The following RBBP6 variants were observed in gnomAD, a reference collection of about 807,000 sequenced individuals.
The protein encoded by RBBP6 is E3 ubiquitin-protein ligase RBBP6.
Under a neutral mutation model 167.7 loss-of-function variants are expected in RBBP6, and 25 were observed. The ratio of observed to expected loss-of-function variants is 0.15; its 90% confidence interval spans 0.11 to 0.21. RBBP6 has a LOEUF of 0.21. RBBP6 is among the 10% of genes least tolerant of loss of function. The probability of loss-of-function intolerance (pLI) is 1.00; values close to 1 mark genes in which losing one functional copy is unlikely to be tolerated. For synonymous variants in RBBP6, 789 were observed against 735.8 expected, an observed-to-expected ratio of 1.07 and a Z score of -1.17; for missense variants, 1,868 against 2,134.2, an observed-to-expected ratio of 0.88 and a Z score of 2.46.
chr16:24,571,434 T>A lies in RBBP6; in HGVS notation c.4368T>A (p.His1456Gln). 6.2e-7 allele frequency: 1 copy of A among 1,613,332 alleles called. No individual in the cohort carries two copies. The change falls in exon 18 of 18, where the codon CAT becomes CAA. Residue 1456 changes from histidine (H) to glutamine (Q), a missense_variant. Physicochemically the swap from His to Gln is conservative, Grantham distance 24 (BLOSUM62 0). Coordinates refer to ENST00000319715, the MANE Select transcript of RBBP6 (RefSeq NM_006910.5). Reference sequence around the variant, plus strand: ...AAGAGGCTAGAACGTCAGATAAACATGATTCCACTCGTGCTTCCTCAAATA... The same window carrying A: ...AAGAGGCTAGAACGTCAGATAAACAAGATTCCACTCGTGCTTCCTCAAATA... ...SSKEARTSDKHDSTRASSNKD... is the reference protein window; with the variant it reads ...SSKEARTSDKQDSTRASSNKD...
chr16:24,572,518 C>CAA lies in RBBP6; in HGVS notation c.*74_*75dup. The CAA allele has an allele frequency of 6.9e-7, 1 of 1,448,194 alleles. No individual in the cohort carries two copies. Among genetic ancestry groups the CAA allele is most frequent in the Non-Finnish European group, 9.0e-7 (1 of 1,105,368 alleles). 89.7% of individuals were successfully genotyped at this position (1,448,194 alleles called of 1,614,324 possible). A position where few individuals can be genotyped will look rare whatever the true frequency, so the allele number is the denominator to read the frequency against. ...AATTTTGTTATAATGTAAAGAGATT[C>CAA]AAGCCTTGTAAATAATGACATGGAA... is the stretch of plus-strand genomic sequence containing the variant. On this transcript the variant is annotated 3_prime_UTR_variant, in exon 18 of 18. Transcript: ENST00000319715.
chr16:24,571,705 G>A lies in RBBP6; in HGVS notation c.4639G>A (p.Ala1547Thr). 1.2e-6 allele frequency: 2 copies of A among 1,614,048 alleles called. No individual in the cohort carries two copies. The highest frequency in any genetic ancestry group is 1.7e-6 in the Non-Finnish European group (2 of 1,180,006). ...SRDRKPHDHKATYDTKRPNEE... is the reference protein window; with the variant it reads ...SRDRKPHDHKTTYDTKRPNEE... ...AGACAGAAAACCTCATGATCACAAA[G>A]CCACTTATGATACTAAACGGCCAAA... Residue 1547 changes from alanine to threonine, a missense_variant, in exon 18 of 18, where the codon GCC (alanine) becomes ACC (threonine). By Grantham distance (58) the Ala-to-Thr change is moderately conservative. This residue lies in a region of RBBP6 where 591 missense variants were observed against 540.5 expected (regional missense o/e 1.09). Transcript: ENST00000319715.
chr16:24,568,828 G>A lies in RBBP6; in HGVS notation c.2138G>A (p.Arg713His), dbSNP rs1191974934. Residue 713 changes from arginine (R) to histidine (H), a missense_variant, in exon 17 of 18, where the codon CGC (arginine) becomes CAC (histidine). Arg to His is a conservative substitution (Grantham distance 29). Coordinates refer to ENST00000319715, the MANE Select transcript of RBBP6 (RefSeq NM_006910.5). ...SKSRSGSTRS[R>H]SYSRSFSRSH... ...TCAAGATCTGGTTCAACACGTTCAC[G>A]CTCTTATTCTCGATCATTCAGCCGC... is the stretch of plus-strand genomic sequence containing the variant. 19 of 1,614,032 alleles carry A rather than the reference G, an allele frequency of 1.2e-5. No homozygotes were observed. Among genetic ancestry groups the A allele is most frequent in the Middle Eastern group, 1.6e-4 (1 of 6,084 alleles).
Position 24,556,326 on chromosome 16 carries a change from G to C in RBBP6, c.553G>C (p.Gly185Arg). 6.3e-7 allele frequency: 1 copy of C among 1,596,406 alleles called. No homozygotes were observed. The highest frequency in any genetic ancestry group is 8.6e-7 in the Non-Finnish European group (1 of 1,164,486). ...PTNGDKNFES[G>R]PRIKKSTGIP... Reference sequence around the variant, plus strand: ...TGAATAGGATAAAAACTTTGAATCTGGTCCTAGGATTAAAAAGAGCACTGG... The same window carrying C: ...TGAATAGGATAAAAACTTTGAATCTCGTCCTAGGATTAAAAAGAGCACTGG... Residue 185 changes from glycine to arginine, a missense_variant, in exon 7 of 18, where the codon GGT becomes CGT. Gly to Arg is a moderately radical substitution (Grantham distance 125, BLOSUM62 -2). Coordinates refer to ENST00000319715, the MANE Select transcript of RBBP6 (RefSeq NM_006910.5).
In RBBP6 at chr16:24,564,846, G is replaced by C; in HGVS notation, c.1570G>C (p.Gly524Arg). The C allele has an allele frequency of 6.2e-7, 1 of 1,613,000 alleles. No homozygotes were observed. Among genetic ancestry groups the C allele is most frequent in the Non-Finnish European group, 8.5e-7 (1 of 1,179,382 alleles). Residue 524 changes from glycine (G) to arginine (R), a missense_variant, in exon 14 of 18, where the codon GGG becomes CGG. Coordinates refer to ENST00000319715, the MANE Select transcript of RBBP6 (RefSeq NM_006910.5). ...LVSPPQQIRRGERSCYRSINR... is the reference protein window; with the variant it reads ...LVSPPQQIRRRERSCYRSINR... ...TTCTCCACCACAACAAATTAGAAGA[G>C]GGGAGAGGAGCTGCTACAGGTAGGC...
intron 8 of RBBP6, 92 bp downstream of exon 8, chr16:24,559,769 A>G (rs1027544328): frequency 2.6e-6 from 3 of 1,141,046 alleles, no homozygotes; most frequent in Non-Finnish European, 3.5e-6. Flanking sequence ...TTTAATAATA[A>G]AATAAATAAT....
At chr16:24,540,915 T>G (rs1898468981) in intron 1 of RBBP6, 123 bp downstream of exon 1, 1 of 1,205,578 alleles carries the variant, frequency 8.3e-7, no homozygotes, top group Admixed American at 2.9e-5. Flanking sequence ...GTACTTTGGA[T>G]ACAACTTTCA....
chr16:24,540,550 G>A lies in RBBP6; in HGVS notation c.-77G>A. 7.1e-7 allele frequency: 1 copy of A among 1,406,548 alleles called. No individual in the cohort carries two copies. Among genetic ancestry groups the A allele is most frequent in the Non-Finnish European group, 9.7e-7 (1 of 1,027,390 alleles). 87.1% of individuals were successfully genotyped at this position (1,406,548 alleles called of 1,614,324 possible). The stretch of plus-strand genomic sequence containing the variant: ...TGAGTGTTTTGTGTGTACATATTTT[G>A]CTCTTAAAGTTTATAAATATACGTA... On this transcript the variant is annotated 5_prime_UTR_variant, in exon 1 of 18. Coordinates refer to ENST00000319715, the MANE Select transcript of RBBP6 (RefSeq NM_006910.5).
chr16:24,569,217 A>G lies in RBBP6; in HGVS notation c.2527A>G (p.Lys843Glu). 1 of 1,613,824 alleles carries G rather than the reference A, an allele frequency of 6.2e-7. No homozygotes were observed. ...KYREWYEKYYKGYAAGAQPRP... is the reference protein window; with the variant it reads ...KYREWYEKYYEGYAAGAQPRP... Reference sequence around the variant, plus strand: ...TAGAGAGTGGTATGAAAAATATTATAAAGGTTATGCTGCTGGAGCACAGCC... The same window carrying G: ...TAGAGAGTGGTATGAAAAATATTATGAAGGTTATGCTGCTGGAGCACAGCC... The change falls in exon 17 of 18, where the codon AAA becomes GAA. Residue 843 changes from lysine to glutamate, a missense_variant. This residue lies in a region of RBBP6 where 673 missense variants were observed against 691.5 expected (regional missense o/e 0.97). Transcript: ENST00000319715.
chr16:24,541,690 A>G (rs1416326094), intron 1 of RBBP6, among the ~76,000 whole-genome samples: 1 of 152,246 alleles, frequency 6.6e-6, no homozygotes, highest in African/African-American at 2.4e-5. Context: ...AAATGTGACA[A>G]GCAGTCTTTC....
chr16:24,556,550 A>G, intron 7 of RBBP6, 103 bp downstream of exon 7: 1 of 1,296,194 alleles, frequency 7.7e-7, no homozygotes, highest in Non-Finnish European at 1.0e-6. Context: ...TTCCTTGAGA[A>G]CTTTGTATAC....
intron 8 of RBBP6, 110 bp from the exon 9 acceptor site, chr16:24,561,502 T>C: frequency 1.1e-6 from 1 of 902,126 alleles, no homozygotes; most frequent in South Asian, 1.6e-5. Flanking sequence ...CACGACATGC[T>C]TGGAAAACAG....
chr16:24,565,785 G>A (rs573800281), intron 14 of RBBP6, among the ~76,000 whole-genome samples: 2 of 152,276 alleles, frequency 1.3e-5, no homozygotes, highest in African/African-American at 4.8e-5. Context: ...CAAGAGTTTT[G>A]GCCAGGCATA....
At position 24,569,197 on chromosome 16, in the gene RBBP6, A is replaced by G. The variant is rs1209425608; in HGVS notation, c.2507A>G (p.Glu836Gly). 1 of 1,613,832 alleles carries G rather than the reference A, an allele frequency of 6.2e-7. No individual in the cohort carries two copies. The highest frequency in any genetic ancestry group is 1.7e-4 in the Middle Eastern group (1 of 6,060). Residue 836 changes from glutamate to glycine, a missense_variant, in exon 17 of 18, where the codon GAG becomes GGG. Physicochemically the swap from Glu to Gly is moderately conservative, Grantham distance 98. Around this residue, in one of 7 missense-constraint regions of RBBP6, gnomAD observed 673 missense variants for 691.5 expected, o/e 0.97. Transcript: ENST00000319715. ...CGAGAATGGGAGAGAAAATATAGAG[A>G]GTGGTATGAAAAATATTATAAAGGT... ...RYREWERKYR[E>G]WYEKYYKGYA...
At chr16:24,558,740 A>T (rs1057166857) in intron 7 of RBBP6, among the ~76,000 whole-genome samples, 2 of 152,224 alleles carry the variant, frequency 1.3e-5, no homozygotes, top group Non-Finnish European at 2.9e-5. Flanking sequence ...TTAATGCCCA[A>T]CATTTCTGCA....
At chr16:24,561,151 T>C (rs1899044311) in intron 8 of RBBP6, among the ~76,000 whole-genome samples, 2 of 152,222 alleles carry the variant, frequency 1.3e-5, no homozygotes, top group Non-Finnish European at 2.9e-5. Flanking sequence ...CTTTCTAGAC[T>C]ATCTTATATT....
At chr16:24,545,409 C>A (rs1174921323) in intron 1 of RBBP6, among the ~76,000 whole-genome samples, 1 of 152,172 alleles carries the variant, frequency 6.6e-6, no homozygotes, top group Non-Finnish European at 1.5e-5. Context: ...CAAATAATCA[C>A]TTTGCTTAAA....
rs1899318358 is a variant in RBBP6 at position 24,571,112 on chromosome 16, T to C, written c.4046T>C (p.Ile1349Thr). 2.5e-6 allele frequency: 4 copies of C among 1,612,650 alleles called. No homozygotes were observed. Among genetic ancestry groups the C allele is most frequent in the Non-Finnish European group, 3.4e-6 (4 of 1,179,250 alleles). Reference protein sequence around the residue: ...ISSVGKPASVIKNVSTKPSNI... With the variant: ...ISSVGKPASVTKNVSTKPSNI... Reference sequence around the variant, plus strand: ...AGTGTAGGAAAACCTGCTAGTGTTATAAAAAATGTTAGTACAAAGCCATCA... The same window carrying C: ...AGTGTAGGAAAACCTGCTAGTGTTACAAAAAATGTTAGTACAAAGCCATCA... Residue 1349 changes from isoleucine to threonine, a missense_variant, in exon 18 of 18, where the codon ATA becomes ACA. Coordinates refer to ENST00000319715, the MANE Select transcript of RBBP6 (RefSeq NM_006910.5).
At chr16:24,552,727 C>T (rs899884486) in intron 3 of RBBP6, among the ~76,000 whole-genome samples, 1 of 151,732 alleles carries the variant, frequency 6.6e-6, no homozygotes, top group African/African-American at 2.4e-5. Context: ...GTTATCTCCC[C>T]CTCTTCAGTG....
Sources: allele counts gnomAD v4.1 joint callset (sites outside exome capture counted in the v4.1 genomes callset), GRCh38; gene constraint gnomAD v4.1.1; regional missense constraint gnomAD v4.1.1; transcripts MANE v1.5; gene names NCBI Gene and HGNC (gene_info 2026-07-23, HGNC 2026-07-21).